The following TRANK1 variants were observed in gnomAD, a reference collection of about 807,000 sequenced individuals.
The protein encoded by TRANK1 is tetratricopeptide repeat and ankyrin repeat containing 1, also known as TPR and ankyrin repeat-containing protein 1.
Under a neutral mutation model 266.0 loss-of-function variants are expected in TRANK1, and 198 were observed. That is an observed-to-expected ratio of 0.74 (90% confidence interval 0.66 to 0.84). The LOEUF is 0.84. TRANK1 is among the 40% of genes least tolerant of loss of function. TRANK1 has a pLI of 0.00. For missense variants in TRANK1, 3,326 were observed against 3,634.6 expected (o/e 0.92, Z 2.18); for synonymous variants, 1,396 against 1,384.1 (o/e 1.01, Z -0.19).
At chr3:36,940,722 G>A (rs190558216) in intron 1 of TRANK1, among the ~76,000 whole-genome samples, 100 of 152,182 alleles carry the variant, frequency 6.6e-4, no homozygotes, top group Non-Finnish European at 9.4e-4. Flanking sequence ...CATTAACTCC[G>A]TTCTATCACA....
Position 36,831,471 on chromosome 3 carries a change from G to A in TRANK1, c.8112C>T (p.His2704=), listed in dbSNP as rs373752001. 2.0e-5 allele frequency: 33 copies of A among 1,613,014 alleles called. No homozygotes were observed. Among genetic ancestry groups the A allele is most frequent in the South Asian group, 8.8e-5 (8 of 90,846 alleles). The change falls in exon 22 of 24, where the codon CAC becomes CAT. Residue 2704 remains histidine (H), a synonymous_variant. Transcript: ENST00000645898. This position sits in a 1 kb window ranked among gnomAD's most constrained non-coding sequence, Gnocchi z 5.0. ...TTTGGGAAAGAATGGTGGCCAGGAC[G>A]TGGTCTCGGTCTTCTAATGCCAGTT... The part of the protein sequence containing the change: ...MDELALEDRD[H]VLATILSQKQ...
chr3:36,921,934 G>T (rs1394395359), intron 1 of TRANK1, among the ~76,000 whole-genome samples: 1 of 152,046 alleles, frequency 6.6e-6, no homozygotes, highest in Non-Finnish European at 1.5e-5. Context: ...TTGAGCTTAG[G>T]AATTCCATAC....
intron 1 of TRANK1, among the ~76,000 whole-genome samples, chr3:36,929,860 C>T (rs1348637937): frequency 1.3e-5 from 2 of 151,452 alleles, no homozygotes; most frequent in East Asian, 1.9e-4. Flanking sequence ...CATGGAAAGA[C>T]GAGGGCAAGG....
chr3:36,843,931 C>G (rs2078881754), intron 17 of TRANK1, among the ~76,000 whole-genome samples: 1 of 152,108 alleles, frequency 6.6e-6, no homozygotes, highest in South Asian at 2.1e-4. Context: ...CATTTAATTC[C>G]CACGGCAAAA....
intron 1 of TRANK1, among the ~76,000 whole-genome samples, chr3:36,940,088 C>A (rs2080475552): frequency 6.6e-6 from 1 of 151,578 alleles, no homozygotes; most frequent in Non-Finnish European, 1.5e-5. Context: ...GACAGGGTTT[C>A]ACCGTGTTGG....
chr3:36,901,106 T>G (rs1237639992), intron 3 of TRANK1, among the ~76,000 whole-genome samples: 7 of 83,512 alleles, frequency 8.4e-5, no homozygotes, highest in Non-Finnish European at 1.5e-4. Context: ...AGGTTGTTTT[T>G]TTTTTTTTTT....
intron 8 of TRANK1, among the ~76,000 whole-genome samples, chr3:36,879,442 C>A (rs1378651852): frequency 6.6e-6 from 1 of 150,396 alleles, no homozygotes; most frequent in East Asian, 1.9e-4. Flanking sequence ...AACAACTCTC[C>A]CAATACCATT....
chr3:36,851,768 C>G lies in TRANK1; in HGVS notation c.4838G>C (p.Gly1613Ala). ...AAGGAGGACATCATCAAATTCTAAGCCTTTTGCTTCATAAATTGTTAGCAC... is the reference window on the plus strand; with the variant it reads ...AAGGAGGACATCATCAAATTCTAAGGCTTTTGCTTCATAAATTGTTAGCAC... ...ALVLTIYEAKGLEFDDVLLYN... is the reference protein window; with the variant it reads ...ALVLTIYEAKALEFDDVLLYN... Residue 1613 changes from glycine (G) to alanine (A), a missense_variant, in exon 15 of 24, where the codon GGC (glycine) becomes GCC (alanine). Transcript: ENST00000645898. 1 of 1,613,248 alleles carries G rather than the reference C, an allele frequency of 6.2e-7. No individual in the cohort carries two copies. Among genetic ancestry groups the G allele is most frequent in the South Asian group, 1.1e-5 (1 of 90,836 alleles).
At position 36,940,312 on chromosome 3, in the gene TRANK1, A is replaced by G. The variant is rs376718043; in HGVS notation, c.23+4475T>C. Reference sequence around the variant, plus strand: ...GGAGATCGAGACCATCCTGGCTAACATGGTGAAACCCTGTCTTTACTAAAA... The same window carrying G: ...GGAGATCGAGACCATCCTGGCTAACGTGGTGAAACCCTGTCTTTACTAAAA... On this transcript the variant is annotated intron_variant, in intron 1 of 23. Coordinates refer to ENST00000645898, the MANE Select transcript of TRANK1 (RefSeq NM_001329998.2). Among the ~76,000 whole-genome samples the G allele has an allele frequency of 3.7e-3, 557 of 149,414 alleles. 5 individuals carry two copies. The highest frequency in any genetic ancestry group is 5.4e-3 in the Admixed American group (81 of 15,010).
chr3:36,880,145 C>CAT (rs1237098608), intron 8 of TRANK1: 2 of 138,012 alleles, frequency 1.4e-5, no homozygotes, highest in East Asian at 2.9e-4. Flanking sequence ...TATATATAAA[C>CAT]ATAAATATAT....
chr3:36,908,514 G>C (rs1422034488), intron 1 of TRANK1, 60 bp from the exon 2 acceptor site: 1 of 1,231,860 alleles, frequency 8.1e-7, no homozygotes, highest in Non-Finnish European at 1.0e-6. Context: ...TTCACCTTCC[G>C]GTCTGCATTG....
At chr3:36,941,902 C>A (rs1009586355) in intron 1 of TRANK1, among the ~76,000 whole-genome samples, 2 of 152,340 alleles carry the variant, frequency 1.3e-5, no homozygotes, top group African/African-American at 4.8e-5. Flanking sequence ...AAAGCACTGA[C>A]ATGTCAGCCC....
At chr3:36,887,366 A>G (rs2079622311) in intron 8 of TRANK1, among the ~76,000 whole-genome samples, 1 of 152,132 alleles carries the variant, frequency 6.6e-6, no homozygotes, top group Non-Finnish European at 1.5e-5. Context: ...ACTTCCTAAT[A>G]ATTTTTACTA....
chr3:36,865,305 C>T (rs947334885), intron 9 of TRANK1, among the ~76,000 whole-genome samples: 1 of 152,028 alleles, frequency 6.6e-6, no homozygotes, highest in Non-Finnish European at 1.5e-5. Context: ...GGATTACAGG[C>T]GTGAGCCATC....
chr3:36,906,285 G>T (rs908039056), intron 2 of TRANK1, among the ~76,000 whole-genome samples: 3 of 152,140 alleles, frequency 2.0e-5, no homozygotes, highest in Admixed American at 6.5e-5. Context: ...TTAATTTGGT[G>T]CCATTTCCTA....
intron 3 of TRANK1, among the ~76,000 whole-genome samples, chr3:36,902,333 C>A (rs985560303): frequency 3.9e-5 from 6 of 152,226 alleles, no homozygotes; most frequent in Non-Finnish European, 7.3e-5. Context: ...CAAACCTCCA[C>A]CACTCCCTTT....
At chr3:36,861,806 C>T (rs919416302) in intron 10 of TRANK1, among the ~76,000 whole-genome samples, 17 of 150,646 alleles carry the variant, frequency 1.1e-4, no homozygotes, top group African/African-American at 3.2e-4. Flanking sequence ...CCTGGATTCA[C>T]GCCATTCTCC....
chr3:36,843,359 C>G (rs984235303), intron 17 of TRANK1, among the ~76,000 whole-genome samples: 1 of 152,080 alleles, frequency 6.6e-6, no homozygotes, highest in Non-Finnish European at 1.5e-5. Flanking sequence ...CTTGAAAACC[C>G]AAAGTCAAGT....
intron 9 of TRANK1, among the ~76,000 whole-genome samples, chr3:36,871,167 C>A (rs1301122946): frequency 6.6e-6 from 1 of 151,930 alleles, no homozygotes; most frequent in African/African-American, 2.4e-5. Context: ...GGTGGGCGAT[C>A]ACCTGAGGTC....
Sources: allele counts gnomAD v4.1 joint callset (sites outside exome capture counted in the v4.1 genomes callset), GRCh38; gene constraint gnomAD v4.1.1; non-coding constraint Gnocchi (gnomAD v3.1); transcripts MANE v1.5; gene names NCBI Gene and HGNC (gene_info 2026-07-23, HGNC 2026-07-21).